Variants in DLGAP5 observed in about 807,000 individuals in gnomAD.
DLGAP5 encodes disks large-associated protein 5.
In DLGAP5, 90 loss-of-function variants were observed where a neutral mutation model predicts 99.6. The ratio of observed to expected loss-of-function variants is 0.90; its 90% confidence interval spans 0.76 to 1.08. The LOEUF (loss-of-function observed/expected upper bound fraction) is 1.08, where lower values mean the gene tolerates loss of function less well. Among genes scored for constraint, DLGAP5 ranks in the 50% least tolerant of loss-of-function variants. The pLI is 0.00. For synonymous variants in DLGAP5, 311 were observed against 321.3 expected, an observed-to-expected ratio of 0.97 and a Z score of 0.34; for missense variants, 1,036 against 983.5, an observed-to-expected ratio of 1.05 and a Z score of -0.71.
At position 55,170,698 on chromosome 14, in the gene DLGAP5, T is replaced by C. The variant is rs776606039; in HGVS notation, c.1387+4A>G. 1.9e-6 allele frequency: 3 copies of C among 1,609,202 alleles called. No individual in the cohort carries two copies. The highest frequency in any genetic ancestry group is 2.6e-6 in the Non-Finnish European group (3 of 1,176,372). Reference sequence around the variant, plus strand: ...GCAAACAAAAAATACAAATGTTGCCTCACCATCATCTGGAATGTCCAATTC... The same window carrying C: ...GCAAACAAAAAATACAAATGTTGCCCCACCATCATCTGGAATGTCCAATTC... On this transcript the variant is annotated splice_donor_region_variant and intron_variant, in intron 11 of 18. Transcript: ENST00000247191.
At chr14:55,154,952 A>C in intron 14 of DLGAP5, 146 bp from the exon 15 acceptor site, 1 of 688,076 alleles carries the variant, frequency 1.5e-6, no homozygotes, top group Non-Finnish European at 2.4e-6. Flanking sequence ...CTTTCTGTTA[A>C]AGATAGTATT....
chr14:55,179,267 C>T (rs544289738), intron 7 of DLGAP5, among the ~76,000 whole-genome samples: 261 of 152,240 alleles, frequency 1.7e-3, no homozygotes, highest in Non-Finnish European at 2.8e-3. Context: ...GGTTATGCAA[C>T]TAATTGGAAG....
intron 7 of DLGAP5, among the ~76,000 whole-genome samples, chr14:55,178,739 C>CT (rs2139520583): frequency 6.6e-6 from 1 of 152,234 alleles, no homozygotes; most frequent in African/African-American, 2.4e-5. Context: ...ATCTTTGGTA[C>CT]TTTTTTTAAA....
chr14:55,160,393 T>TA (rs771493094), intron 13 of DLGAP5, among the ~76,000 whole-genome samples: 8,699 of 124,458 alleles, frequency 0.07, 304 homozygotes, highest in South Asian at 0.1. Context: ...AGACTCTATA[T>TA]AAAAAAAAAA....
chr14:55,185,998 C>T (rs971871260), intron 2 of DLGAP5, among the ~76,000 whole-genome samples: 3 of 152,118 alleles, frequency 2.0e-5, no homozygotes, highest in South Asian at 2.1e-4. Context: ...TGGAAGGGTG[C>T]GATAGCTCAC....
chr14:55,157,526 G>A (rs11624679), intron 14 of DLGAP5, among the ~76,000 whole-genome samples: 38,051 of 151,828 alleles, frequency 0.25, 5,654 homozygotes, highest in Non-Finnish European at 0.33. Flanking sequence ...GACATCTATG[G>A]CTTATAAATA....
intron 8 of DLGAP5, 25 bp downstream of exon 8, chr14:55,177,037 C>A (rs2139516021): frequency 2.4e-6 from 2 of 846,176 alleles, no homozygotes; most frequent in Non-Finnish European, 3.2e-6. Flanking sequence ...TAGCAAGAGA[C>A]TTATTATTAA....
chr14:55,173,298 A>C (rs907752207), intron 10 of DLGAP5, among the ~76,000 whole-genome samples: 38 of 151,344 alleles, frequency 2.5e-4, no homozygotes, highest in Non-Finnish European at 3.7e-4. Context: ...CAAAAAAAAA[A>C]ACACACACAC....
In DLGAP5 at chr14:55,175,390, A is replaced by G. The variant is rs535886633; in HGVS notation, c.1257T>C (p.Asn419=). The stretch of plus-strand genomic sequence containing the variant: ...GGTGGGGCTGAGCAATTCGACCTTC[A>G]TTTCTTTCAAGTGATGGGACTTCTT... ...PIKEVPSLER[N]EGRIAQPHHG... Residue 419 remains asparagine (N), a synonymous_variant, in exon 10 of 19, where the codon AAT becomes AAC. Transcript: ENST00000247191. 1.2e-6 allele frequency: 2 copies of G among 1,609,224 alleles called. No homozygotes were observed. Among genetic ancestry groups the G allele is most frequent in the African/African-American group, 2.7e-5 (2 of 74,856 alleles).
chr14:55,166,084 C>T (rs533411872), intron 12 of DLGAP5, among the ~76,000 whole-genome samples: 1 of 152,260 alleles, frequency 6.6e-6, no homozygotes, highest in East Asian at 1.9e-4. Flanking sequence ...GATACATCCA[C>T]ACTAAGATTT....
chr14:55,156,099 AAAAG>A (rs959798541), intron 14 of DLGAP5, among the ~76,000 whole-genome samples: 3 of 152,128 alleles, frequency 2.0e-5, no homozygotes, highest in East Asian at 1.9e-4. Context: ...TCAAAAAAAA[AAAAG>A]AAAGAAAAAT....
intron 14 of DLGAP5, among the ~76,000 whole-genome samples, chr14:55,155,623 C>G (rs1242464959): frequency 1.3e-5 from 2 of 151,322 alleles, no homozygotes; most frequent in East Asian, 2.0e-4. Flanking sequence ...ACTGGGATTA[C>G]AGGTGTGAGC....
At position 55,154,798 on chromosome 14, in the gene DLGAP5, C is replaced by G; in HGVS notation, c.1882G>C (p.Val628Leu). Residue 628 changes from valine (V) to leucine (L), a missense_variant, in exon 15 of 19, where the codon GTC (valine) becomes CTC (leucine). Physicochemically the swap from Val to Leu is conservative, Grantham distance 32. Transcript: ENST00000247191. Reference sequence around the variant, plus strand: ...CTTTGAGAAGGGCCTTCAGAAGAGACAGAAAGTCCTAGAAGATGAGAGAAA... The same window carrying G: ...CTTTGAGAAGGGCCTTCAGAAGAGAGAGAAAGTCCTAGAAGATGAGAGAAA... ...SPVKLFSGLS[V>L]SSEGPSQRLG... The G allele has an allele frequency of 3.1e-6, 5 of 1,613,626 alleles. No individual in the cohort carries two copies. The highest frequency in any genetic ancestry group is 4.2e-6 in the Non-Finnish European group (5 of 1,179,930).
At chr14:55,177,397 A>G in intron 7 of DLGAP5, 61 bp from the exon 8 acceptor site, 1 of 1,439,302 alleles carries the variant, frequency 6.9e-7, no homozygotes, top group Non-Finnish European at 9.3e-7. Context: ...TATTCAACCA[A>G]TTTTTATAGG....
chr14:55,151,674 A>AAT (rs1248102455), intron 17 of DLGAP5, 21 bp downstream of exon 17: 3 of 1,601,156 alleles, frequency 1.9e-6, no homozygotes, highest in Non-Finnish European at 2.6e-6. Context: ...GGCTCGTTTA[A>AAT]ATATATTTTA....
In DLGAP5 at chr14:55,148,242, T is replaced by C; in HGVS notation, c.*109A>G. 1 of 1,092,294 alleles carries C rather than the reference T, an allele frequency of 9.2e-7. No individual in the cohort carries two copies. Among genetic ancestry groups the C allele is most frequent in the Non-Finnish European group, 1.3e-6 (1 of 763,490 alleles). 67.7% of individuals were successfully genotyped at this position (1,092,294 alleles called of 1,614,324 possible). A position where few individuals can be genotyped will look rare whatever the true frequency, so the allele number is the denominator to read the frequency against. Reference sequence around the variant, plus strand: ...TGATGAACACAGAATATTAAAACATTATATGCTATAGAAGTGAACACAAAT... The same window carrying C: ...TGATGAACACAGAATATTAAAACATCATATGCTATAGAAGTGAACACAAAT... On this transcript the variant is annotated 3_prime_UTR_variant, in exon 19 of 19. Transcript: ENST00000247191.
At chr14:55,182,292 A>G (rs1468682328) in intron 4 of DLGAP5, 78 bp downstream of exon 4, 21 of 1,209,632 alleles carry the variant, frequency 1.7e-5, no homozygotes, top group Non-Finnish European at 2.5e-5. Flanking sequence ...TGAATCTGAT[A>G]CTAGATTTAA....
At chr14:55,184,805 G>C (rs566542342) in intron 2 of DLGAP5, among the ~76,000 whole-genome samples, 3 of 152,278 alleles carry the variant, frequency 2.0e-5, no homozygotes, top group African/African-American at 7.2e-5. Context: ...TCCAGTCTCA[G>C]TTAAGGCTTC....
chr14:55,159,626 A>G (rs544756924), intron 13 of DLGAP5, among the ~76,000 whole-genome samples: 1 of 152,328 alleles, frequency 6.6e-6, no homozygotes, highest in East Asian at 1.9e-4. Context: ...ATTATGAGAC[A>G]GGGCAACATT....
Sources: allele counts gnomAD v4.1 joint callset (sites outside exome capture counted in the v4.1 genomes callset), GRCh38; gene constraint gnomAD v4.1.1; transcripts MANE v1.5; gene names NCBI Gene and HGNC (gene_info 2026-07-23, HGNC 2026-07-21).